Variants in SLC60A1 observed in about 807,000 individuals in gnomAD.
The protein encoded by SLC60A1 is major facilitator superfamily domain containing 4.
the SLC60A1 span, among the ~76,000 whole-genome samples, chr1:205,593,368 G>T: frequency 7.5e-6 from 1 of 133,478 alleles, no homozygotes; most frequent in African/African-American, 2.9e-5. Flanking sequence ...CTACTCGGGA[G>T]GCTGAGGCAG....
chr1:205,570,035 C>T, the SLC60A1 span, among the ~76,000 whole-genome samples: 1 of 151,962 alleles, frequency 6.6e-6, no homozygotes, highest in Non-Finnish European at 1.5e-5. Context: ...GCCCTGGTGC[C>T]AAGGTTCCCC....
At chr1:205,583,641 A>G in the SLC60A1 span, among the ~76,000 whole-genome samples, 1 of 152,102 alleles carries the variant, frequency 6.6e-6, no homozygotes, top group Non-Finnish European at 1.5e-5. Context: ...GAGGTGTGAC[A>G]CTCCAGCAAG....
the SLC60A1 span, chr1:205,600,770 A>C: frequency 3.4e-6 from 1 of 295,696 alleles, no homozygotes; most frequent in Non-Finnish European, 6.3e-6. Flanking sequence ...TCATGCATGG[A>C]CCATACTCTG....
At chr1:205,583,845 A>G in the SLC60A1 span, 19 of 1,382,580 alleles carry the variant, frequency 1.4e-5, no homozygotes, top group East Asian at 3.8e-4. Context: ...GCACCCTTAG[A>G]AAAGAGCTGT....
the SLC60A1 span, chr1:205,580,868 G>T: frequency 6.2e-7 from 1 of 1,614,112 alleles, no homozygotes; most frequent in Non-Finnish European, 8.5e-7. The surrounding 1 kb of genome is among the most constrained non-coding windows in gnomAD (Gnocchi z 5.0). Context: ...GACTCCAAAG[G>T]ACGGGGCAGG....
the SLC60A1 span, among the ~76,000 whole-genome samples, chr1:205,569,462 G>C: frequency 6.9e-6 from 1 of 145,960 alleles, no homozygotes. Flanking sequence ...GCTCCATCTT[G>C]GCCGAAGAGC....
chr1:205,594,613 A>T, the SLC60A1 span, among the ~76,000 whole-genome samples: 2 of 148,870 alleles, frequency 1.3e-5, no homozygotes, highest in Admixed American at 1.4e-4. Context: ...CTGAGATTGC[A>T]CTCCAGCCTG....
At chr1:205,583,861 C>T in the SLC60A1 span, 21 of 1,452,704 alleles carry the variant, frequency 1.4e-5, no homozygotes, top group Non-Finnish European at 1.8e-5. Flanking sequence ...GCTGTCTTCT[C>T]CCAGGACTAT....
chr1:205,581,654 G>C, the SLC60A1 span, among the ~76,000 whole-genome samples: 1 of 152,056 alleles, frequency 6.6e-6, no homozygotes, highest in Admixed American at 6.5e-5. The surrounding 1 kb of genome is among the most constrained non-coding windows in gnomAD (Gnocchi z 4.2). Context: ...TGGGCCGGGG[G>C]TGGGGAGCAT....
the SLC60A1 span, among the ~76,000 whole-genome samples, chr1:205,590,262 C>A: frequency 2.6e-5 from 4 of 152,112 alleles, no homozygotes; most frequent in Non-Finnish European, 4.4e-5. Context: ...TCCTGGGCCA[C>A]CCCAACATTG....
At chr1:205,596,748 T>G in the SLC60A1 span, among the ~76,000 whole-genome samples, 7 of 151,984 alleles carry the variant, frequency 4.6e-5, no homozygotes, top group Non-Finnish European at 7.4e-5. Context: ...TTGAAAGTCC[T>G]TGGCCTTCAT....
the SLC60A1 span, chr1:205,600,004 C>T: frequency 1.5e-3 from 236 of 159,570 alleles, 1 homozygote; most frequent in South Asian, 3.9e-3. Context: ...AACATATCTA[C>T]GCTCTAAACG....
chr1:205,584,176 G>T, the SLC60A1 span: 2 of 1,541,082 alleles, frequency 1.3e-6, no homozygotes, highest in Non-Finnish European at 8.8e-7. Flanking sequence ...AGGCTTCCTT[G>T]GTAACCCCTC....
At chr1:205,575,761 A>AT in the SLC60A1 span, among the ~76,000 whole-genome samples, 72 of 152,224 alleles carry the variant, frequency 4.7e-4, no homozygotes, top group Non-Finnish European at 7.4e-5. Flanking sequence ...AGCCATTAAT[A>AT]AGTAACTTGG....
At chr1:205,579,970 C>G in the SLC60A1 span, 4 of 1,606,794 alleles carry the variant, frequency 2.5e-6, no homozygotes, top group Non-Finnish European at 3.4e-6. Context: ...CCAGCAGGCA[C>G]AGGGCTGGGA....
At chr1:205,602,861 A>G in the SLC60A1 span, 1 of 152,244 alleles carries the variant, frequency 6.6e-6, no homozygotes, top group African/African-American at 2.4e-5. Flanking sequence ...GTTAATACAG[A>G]AAACAACATT....
the SLC60A1 span, chr1:205,580,634 C>CCCCCCCCCCCCCT: frequency 1.3e-6 from 2 of 1,589,636 alleles, no homozygotes; most frequent in South Asian, 2.2e-5. This position sits in a 1 kb window ranked among gnomAD's most constrained non-coding sequence, Gnocchi z 5.0. Context: ...CCCCCACCCC[C>CCCCCCCCCCCCCT]ACCCGCCACC....
chr1:205,584,547 T>C, the SLC60A1 span, among the ~76,000 whole-genome samples: 1 of 92,870 alleles, frequency 1.1e-5, no homozygotes, highest in African/African-American at 4.8e-5. Context: ...CTTTTTTTTT[T>C]TAAAAAAAAA....
chr1:205,599,147 G>A, the SLC60A1 span: 12 of 1,614,136 alleles, frequency 7.4e-6, no homozygotes, highest in South Asian at 1.2e-4. Flanking sequence ...CAGGCTCAGG[G>A]CAGCTATAGT....
Sources: gnomAD v4.1 joint callset for allele counts (sites outside exome capture counted in the v4.1 genomes callset) on GRCh38, gnomAD v4.1.1 for gene constraint, Gnocchi (gnomAD v3.1) non-coding constraint, MANE v1.5 for transcripts, NCBI Gene and HGNC (gene_info 2026-07-23, HGNC 2026-07-21) for gene names.